Variants in PSD4 observed in about 807,000 individuals in gnomAD.
PSD4 encodes pleckstrin and Sec7 domain containing 4.
In PSD4, 59 loss-of-function variants were observed where a neutral mutation model predicts 112.5. The observed-to-expected ratio is 0.52, with a 90% CI of 0.43 to 0.65. The LOEUF is 0.65. PSD4 is among the 30% of genes least tolerant of loss of function. The pLI is 0.00. For missense variants in PSD4, 1,267 were observed against 1,352.6 expected (o/e 0.94, Z 0.99); for synonymous variants, 533 against 540.0 (o/e 0.99, Z 0.18).
rs1358297259 is a variant in PSD4, at chr2:113,203,550, CT to C, written c.*2165del. The C allele has an allele frequency of 1.0e-5, 1 of 100,048 alleles. No individual in the cohort carries two copies. The highest frequency in any genetic ancestry group is 1.8e-5 in the Non-Finnish European group (1 of 55,306). The allele number at this position is 100,048 out of a possible 1,614,324, so 6.2% of individuals were successfully genotyped here. On this transcript the variant is annotated 3_prime_UTR_variant, in exon 17 of 17. Transcript: ENST00000245796. ...TATTTGACCTCACTGAACATGCATC[CT>C]TTTTTTTTTTTTTTTTTTTTTTTTT...
intron 1 of PSD4, among the ~76,000 whole-genome samples, chr2:113,179,108 G>A (rs1354719395): frequency 6.6e-6 from 1 of 152,184 alleles, no homozygotes; most frequent in Admixed American, 6.5e-5. Context: ...CTCACACTCG[G>A]TTGCTCTCCA....
At chr2:113,194,431 C>T (rs999523988) in intron 10 of PSD4, among the ~76,000 whole-genome samples, 1 of 152,240 alleles carries the variant, frequency 6.6e-6, no homozygotes, top group Non-Finnish European at 1.5e-5. Flanking sequence ...TCCAAGTGCT[C>T]AGCACGGTGC....
At position 113,185,038 on chromosome 2, in the gene PSD4, G is replaced by C; in HGVS notation, c.1138G>C (p.Asp380His). 6.2e-7 allele frequency: 1 copy of C among 1,614,274 alleles called. No homozygotes were observed. The highest frequency in any genetic ancestry group is 8.5e-7 in the Non-Finnish European group (1 of 1,180,046). The change falls in exon 3 of 17, where the codon GAT (aspartate) becomes CAT (histidine). Residue 380 changes from aspartate to histidine, a missense_variant. Coordinates refer to ENST00000245796, the MANE Select transcript of PSD4 (RefSeq NM_012455.3). ...LTWESGCVGSDLGPAAHPVQP... is the reference protein window; with the variant it reads ...LTWESGCVGSHLGPAAHPVQP... ...CTGGGAATCAGGATGTGTCGGATCT[G>C]ATCTTGGCCCTGCTGCACATCCTGT...
rs1198010018 is a variant in PSD4 at position 113,186,070 on chromosome 2, C to T, written c.1443C>T (p.Pro481=). Residue 481 remains proline (P), a synonymous_variant, in exon 5 of 17, where the codon CCC becomes CCT. Coordinates refer to ENST00000245796, the MANE Select transcript of PSD4 (RefSeq NM_012455.3). ...QLQHHSSGIL[P]KWTLDASQSS... ...AACACCACAGCTCAGGCATTTTGCC[C>T]AAGTGGACACTAGATGCTTCACAGT... The T allele has an allele frequency of 6.2e-7, 1 of 1,614,104 alleles. No individual in the cohort carries two copies. The highest frequency in any genetic ancestry group is 1.3e-5 in the African/African-American group (1 of 74,932).
intron 14 of PSD4, 76 bp downstream of exon 14, chr2:113,197,989 C>A: frequency 7.0e-7 from 1 of 1,420,664 alleles, no homozygotes; most frequent in Non-Finnish European, 9.3e-7. Flanking sequence ...CTGCTGACAC[C>A]TGAGGCTTGT....
Position 113,197,908 on chromosome 2 carries a change from G to C in PSD4, c.2619G>C (p.Gln873His). 1 of 1,579,304 alleles carries C rather than the reference G, an allele frequency of 6.3e-7. No homozygotes were observed. Among genetic ancestry groups the C allele is most frequent in the South Asian group, 1.1e-5 (1 of 87,276 alleles). ...RTADWRLYLF[Q>H]APTAKEMSSW... ...CTGACTGGCGCCTCTACCTCTTCCA[G>C]GCACCGTAAGTCCCTGGGGTGGGAG... Residue 873 changes from glutamine to histidine, a missense_variant, in exon 14 of 17, where the codon CAG becomes CAC. Transcript: ENST00000245796.
Position 113,193,852 on chromosome 2 carries a change from G to A in PSD4, c.2092-7G>A, listed in dbSNP as rs1573371615. The stretch of plus-strand genomic sequence containing the variant: ...GCTCGAGTCATCCCACTTCTCCGTG[G>A]CTACAGAACATTGGGAAGAGCATGA... On this transcript the variant is annotated splice_polypyrimidine_tract_variant and splice_region_variant and intron_variant, in intron 9 of 16. Transcript: ENST00000245796. 6.2e-7 allele frequency: 1 copy of A among 1,613,760 alleles called. No homozygotes were observed. Among genetic ancestry groups the A allele is most frequent in the African/African-American group, 1.3e-5 (1 of 74,910 alleles).
intron 5 of PSD4, among the ~76,000 whole-genome samples, chr2:113,189,301 C>T (rs1188771120): frequency 6.7e-6 from 1 of 149,696 alleles, no homozygotes; most frequent in East Asian, 1.9e-4. Context: ...AATATATATG[C>T]ATATTCAATC....
intron 14 of PSD4, chr2:113,198,139 C>A: frequency 3.8e-6 from 2 of 520,914 alleles, no homozygotes. Flanking sequence ...TTTGCCAGCA[C>A]AGTATGCCTT....
chr2:113,183,251 C>CT lies in PSD4; in HGVS notation c.799dup (p.Ser267PhefsTer16). 1 of 1,614,182 alleles carries CT rather than the reference C, an allele frequency of 6.2e-7. No homozygotes were observed. The highest frequency in any genetic ancestry group is 1.1e-5 in the South Asian group (1 of 91,084). On this transcript the variant is annotated frameshift_variant, in exon 2 of 17. Coordinates refer to ENST00000245796, the MANE Select transcript of PSD4 (RefSeq NM_012455.3). LOFTEE classifies it high-confidence loss of function. ...CAGAGAACAGTGCTTCTGGAGAGTGCTTTTCCTGGGGGGCTTCAGACTCCC... is the reference window on the plus strand; with the variant it reads ...CAGAGAACAGTGCTTCTGGAGAGTGCTTTTTCCTGGGGGGCTTCAGACTCCC...
At chr2:113,191,843 G>T (rs1167899570) in intron 5 of PSD4, among the ~76,000 whole-genome samples, 1 of 152,014 alleles carries the variant, frequency 6.6e-6, no homozygotes, top group Non-Finnish European at 1.5e-5. Flanking sequence ...AGGCTGCTAG[G>T]TGGGGGAAGG....
chr2:113,197,925 G>C lies in PSD4; in HGVS notation c.2624+12G>C. ...CTCTTCCAGGCACCGTAAGTCCCTG[G>C]GGTGGGAGACTGTGGCAAGGCCTTG... On this transcript the variant is annotated intron_variant, in intron 14 of 16. Transcript: ENST00000245796. 6.4e-7 allele frequency: 1 copy of C among 1,557,782 alleles called. No homozygotes were observed. Among genetic ancestry groups the C allele is most frequent in the Non-Finnish European group, 8.7e-7 (1 of 1,146,152 alleles).
chr2:113,182,407 C>T lies in PSD4; in HGVS notation c.-50C>T, dbSNP rs578245863. The stretch of plus-strand genomic sequence containing the variant: ...GCTCCCCCTAGTCCACACAGTGAGA[C>T]CGTGAAAGCAGATGCTCCGGGGCAC... On this transcript the variant is annotated 5_prime_UTR_variant, in exon 2 of 17. Coordinates refer to ENST00000245796, the MANE Select transcript of PSD4 (RefSeq NM_012455.3). The T allele has an allele frequency of 2.0e-6, 3 of 1,488,854 alleles. No homozygotes were observed. The African/African-American group carries it at 4.2e-5, about 21-fold the overall frequency. 92.2% of individuals were successfully genotyped at this position (1,488,854 alleles called of 1,614,324 possible).
intron 1 of PSD4, among the ~76,000 whole-genome samples, chr2:113,177,882 G>T (rs1464389127): frequency 6.6e-6 from 1 of 152,176 alleles, no homozygotes; most frequent in Non-Finnish European, 1.5e-5. Flanking sequence ...GAAAGTAAAA[G>T]CGAGGGGTGG....
At position 113,183,330 on chromosome 2, in the gene PSD4, C is replaced by T. The variant is rs1573355861; in HGVS notation, c.874C>T (p.Pro292Ser). The stretch of plus-strand genomic sequence containing the variant: ...CCCAGCGACTCTGGAGCCTCCCCTC[C>T]CAGAAGACACAGTGCTGTGGGAGCT... ...ESPATLEPPL[P>S]EDTVLWELES... The change falls in exon 2 of 17, where the codon CCA becomes TCA. Residue 292 changes from proline to serine, a missense_variant. This residue lies in a region of PSD4 where 723 missense variants were observed against 704.0 expected (regional missense o/e 1.03). Coordinates refer to ENST00000245796, the MANE Select transcript of PSD4 (RefSeq NM_012455.3). 19 of 1,603,924 alleles carry T rather than the reference C, an allele frequency of 1.2e-5. No homozygotes were observed. The Middle Eastern group carries it at 5.0e-4, about 42-fold the overall frequency.
At chr2:113,176,148 C>G (rs1193274469) in intron 1 of PSD4, among the ~76,000 whole-genome samples, 1 of 152,204 alleles carries the variant, frequency 6.6e-6, no homozygotes, top group African/African-American at 2.4e-5. Context: ...GCCTCTGTGC[C>G]CGGTCTCCCC....
chr2:113,193,585 G>T lies in PSD4; in HGVS notation c.2033-7G>T. ...GCTTTCTCTCCACTTACCTATCTCTGGGGTAGATTCTGTACACACCTTGAC... is the reference window on the plus strand; with the variant it reads ...GCTTTCTCTCCACTTACCTATCTCTTGGGTAGATTCTGTACACACCTTGAC... On this transcript the variant is annotated splice_region_variant and splice_polypyrimidine_tract_variant and intron_variant, in intron 8 of 16. Coordinates refer to ENST00000245796, the MANE Select transcript of PSD4 (RefSeq NM_012455.3). 6.2e-7 allele frequency: 1 copy of T among 1,612,246 alleles called. No homozygotes were observed. The highest frequency in any genetic ancestry group is 8.5e-7 in the Non-Finnish European group (1 of 1,178,272).
chr2:113,183,463 C>G lies in PSD4; in HGVS notation c.1007C>G (p.Ala336Gly). The change falls in exon 2 of 17, where the codon GCT (alanine) becomes GGT (glycine). Residue 336 changes from alanine (A) to glycine (G), a missense_variant. Ala to Gly is a moderately conservative substitution (Grantham distance 60, BLOSUM62 0). This residue lies in a region of PSD4 where 723 missense variants were observed against 704.0 expected (regional missense o/e 1.03). Transcript: ENST00000245796. ...KPHSICWASVAAAEGAPAAPP... is the reference protein window; with the variant it reads ...KPHSICWASVGAAEGAPAAPP... ...CACTCCATCTGCTGGGCCTCAGTGGCTGCCGCTGAGGGGGCTCCTGCAGCA... is the reference window on the plus strand; with the variant it reads ...CACTCCATCTGCTGGGCCTCAGTGGGTGCCGCTGAGGGGGCTCCTGCAGCA... The G allele has an allele frequency of 6.3e-7, 1 of 1,591,498 alleles. No individual in the cohort carries two copies. The highest frequency in any genetic ancestry group is 8.5e-7 in the Non-Finnish European group (1 of 1,169,964).
At position 113,192,469 on chromosome 2, in the gene PSD4, C is replaced by T. The variant is rs751848538; in HGVS notation, c.1718C>T (p.Pro573Leu). The T allele has an allele frequency of 1.2e-6, 2 of 1,614,242 alleles. No individual in the cohort carries two copies. Among genetic ancestry groups the T allele is most frequent in the South Asian group, 2.2e-5 (2 of 91,088 alleles). Reference sequence around the variant, plus strand: ...TCCCCAGAGGAAGGCCAGAGACCACCAGCTGGAGACAAGCTAGCTAATGGC... The same window carrying T: ...TCCCCAGAGGAAGGCCAGAGACCACTAGCTGGAGACAAGCTAGCTAATGGC... ...AQSPEEGQRP[P>L]AGDKLANGVR... The change falls in exon 6 of 17, where the codon CCA becomes CTA. Residue 573 changes from proline (P) to leucine (L), a missense_variant. Physicochemically the swap from Pro to Leu is moderately conservative, Grantham distance 98. Around this residue, in one of 2 missense-constraint regions of PSD4, gnomAD observed 544 missense variants for 648.6 expected, o/e 0.84. Coordinates refer to ENST00000245796, the MANE Select transcript of PSD4 (RefSeq NM_012455.3).
Sources: gnomAD v4.1 joint callset for allele counts (sites outside exome capture counted in the v4.1 genomes callset) on GRCh38, gnomAD v4.1.1 for gene constraint, gnomAD v4.1.1 regional missense constraint, MANE v1.5 for transcripts, NCBI Gene and HGNC (gene_info 2026-07-23, HGNC 2026-07-21) for gene names.